The following AMPH variants were observed in gnomAD, a reference collection of about 807,000 sequenced individuals.
The protein encoded by AMPH is amphiphysin.
In AMPH, 49 loss-of-function variants were observed where a neutral mutation model predicts 99.1. The observed-to-expected ratio is 0.49, with a 90% CI of 0.39 to 0.63. AMPH has a LOEUF of 0.63. Among genes scored for constraint, AMPH ranks in the 20% least tolerant of loss-of-function variants. The pLI, the probability that AMPH is intolerant of heterozygous loss-of-function variation, is 0.00. For synonymous variants in AMPH, 314 were observed against 317.3 expected, an observed-to-expected ratio of 0.99 and a Z score of 0.11; for missense variants, 759 against 863.4, an observed-to-expected ratio of 0.88 and a Z score of 1.52.
chr7:38,533,272 T>C (rs1432064883), intron 2 of AMPH, among the ~76,000 whole-genome samples: 2 of 152,210 alleles, frequency 1.3e-5, no homozygotes, highest in African/African-American at 4.8e-5. Context: ...TCTACCTTTA[T>C]TAAGCCAAAG....
At chr7:38,579,002 A>G (rs1056995807) in intron 1 of AMPH, among the ~76,000 whole-genome samples, 6 of 152,142 alleles carry the variant, frequency 3.9e-5, no homozygotes, top group Non-Finnish European at 1.5e-5. Flanking sequence ...CTTGTAAGAG[A>G]ATGAGAGTGA....
intron 12 of AMPH, among the ~76,000 whole-genome samples, chr7:38,433,894 G>A (rs1208509682): frequency 6.6e-6 from 1 of 152,092 alleles, no homozygotes; most frequent in Non-Finnish European, 1.5e-5. Context: ...CACAGATACT[G>A]CAGAGATCAC....
chr7:38,613,941 C>T (rs1355615426), intron 1 of AMPH, among the ~76,000 whole-genome samples: 5 of 152,130 alleles, frequency 3.3e-5, no homozygotes, highest in African/African-American at 1.2e-4. Flanking sequence ...GCTCATATTC[C>T]TGCTGTACTC....
At chr7:38,394,309 G>T in intron 17 of AMPH, 95 bp from the exon 18 acceptor site, 3 of 1,300,290 alleles carry the variant, frequency 2.3e-6, no homozygotes, top group Non-Finnish European at 3.2e-6. Flanking sequence ...CTCTGTGGAG[G>T]CTATTCAGAT....
intron 1 of AMPH, among the ~76,000 whole-genome samples, chr7:38,589,330 T>G (rs2129057493): frequency 6.6e-6 from 1 of 152,338 alleles, no homozygotes; most frequent in East Asian, 1.9e-4. Context: ...ACACCATCAC[T>G]TACCCATCTC....
intron 1 of AMPH, among the ~76,000 whole-genome samples, chr7:38,536,331 T>C (rs1271775908): frequency 6.6e-6 from 1 of 152,212 alleles, no homozygotes; most frequent in Non-Finnish European, 1.5e-5. Flanking sequence ...CATCCCTTTT[T>C]TAACTAGACA....
chr7:38,625,860 T>C (rs1268753304), intron 1 of AMPH, among the ~76,000 whole-genome samples: 5 of 152,322 alleles, frequency 3.3e-5, no homozygotes, highest in East Asian at 3.9e-4. Flanking sequence ...GATATCCATA[T>C]ACATAGAAAC....
intron 1 of AMPH, among the ~76,000 whole-genome samples, chr7:38,591,200 T>C (rs1468644103): frequency 6.6e-6 from 1 of 152,114 alleles, no homozygotes; most frequent in African/African-American, 2.4e-5. Context: ...ATAAATAAAT[T>C]ATGCCAAACT....
intron 1 of AMPH, among the ~76,000 whole-genome samples, chr7:38,620,163 C>T (rs1794001416): frequency 6.6e-6 from 1 of 152,106 alleles, no homozygotes; most frequent in Non-Finnish European, 1.5e-5. Flanking sequence ...GCTGATTATT[C>T]CTAAGTCCAA....
intron 12 of AMPH, among the ~76,000 whole-genome samples, chr7:38,435,926 C>A (rs1338459557): frequency 1.3e-5 from 2 of 152,056 alleles, no homozygotes; most frequent in African/African-American, 4.8e-5. Flanking sequence ...AAGAGTAAAC[C>A]CAAAACCAAA....
In AMPH at chr7:38,422,616, ACACT is replaced by A. The variant is rs1785629124; in HGVS notation, c.1216-143_1216-140del. 7.3e-6 allele frequency: 5 copies of A among 686,242 alleles called. No homozygotes were observed. The East Asian group carries it at 1.4e-4, about 20-fold the overall frequency. 42.5% of individuals were successfully genotyped at this position (686,242 alleles called of 1,614,324 possible). A position where few individuals can be genotyped will look rare whatever the true frequency, so the allele number is the denominator to read the frequency against. ...TATCTATCTATCCATCTATCTATCG[ACACT>A]CTATCTATCTAATTTTTTTTTGAGA... On this transcript the variant is annotated intron_variant, in intron 15 of 20. Transcript: ENST00000356264.
At chr7:38,520,019 A>G (rs1395091486) in intron 2 of AMPH, among the ~76,000 whole-genome samples, 1 of 151,922 alleles carries the variant, frequency 6.6e-6, no homozygotes, top group Non-Finnish European at 1.5e-5. Flanking sequence ...AATAAAAATC[A>G]AAAAAATAAA....
Position 38,418,078 on chromosome 7 carries a change from T to C in AMPH, c.1273-128A>G, listed in dbSNP as rs1237221169. 8 of 1,097,464 alleles carry C rather than the reference T, an allele frequency of 7.3e-6. No individual in the cohort carries two copies. The South Asian group carries it at 1.4e-4, about 19-fold the overall frequency. 68.0% of individuals were successfully genotyped at this position (1,097,464 alleles called of 1,614,324 possible). ...GCAACTAGCTTCATGAAATCCGTGC[T>C]GGAGAAAAGCCCCCATTTGCCATCA... On this transcript the variant is annotated intron_variant, in intron 16 of 20. Transcript: ENST00000356264.
At chr7:38,466,827 G>A (rs1787675191) in intron 7 of AMPH, among the ~76,000 whole-genome samples, 1 of 152,112 alleles carries the variant, frequency 6.6e-6, no homozygotes, top group African/African-American at 2.4e-5. Flanking sequence ...AAAAATAAGA[G>A]CGTGTCATCA....
intron 17 of AMPH, among the ~76,000 whole-genome samples, chr7:38,402,245 T>C (rs1403623891): frequency 6.6e-6 from 1 of 152,206 alleles, no homozygotes; most frequent in Non-Finnish European, 1.5e-5. Context: ...CGAGGTCATC[T>C]TGAGTTTTAC....
intron 11 of AMPH, among the ~76,000 whole-genome samples, chr7:38,455,668 T>C (rs1455002063): frequency 6.6e-6 from 1 of 152,286 alleles, no homozygotes; most frequent in South Asian, 2.1e-4. Flanking sequence ...ACCCTAGCTA[T>C]GGGAGAACCC....
chr7:38,389,242 G>T (rs951432950), intron 20 of AMPH, among the ~76,000 whole-genome samples: 1 of 152,090 alleles, frequency 6.6e-6, no homozygotes, highest in Non-Finnish European at 1.5e-5. Context: ...AGAACAAGAT[G>T]GGAGTTCTCA....
At chr7:38,414,564 A>T (rs1165033119) in intron 17 of AMPH, among the ~76,000 whole-genome samples, 2 of 152,216 alleles carry the variant, frequency 1.3e-5, no homozygotes, top group Non-Finnish European at 2.9e-5. Context: ...ACCATAATTA[A>T]TTGTAACCAA....
rs1479627435 is a variant in AMPH, at chr7:38,558,208, T to C, written c.70-23197A>G. Among the ~76,000 whole-genome samples the C allele has an allele frequency of 3.3e-5, 5 of 152,176 alleles. No individual in the cohort carries two copies. The East Asian group carries it at 9.6e-4, about 29-fold the overall frequency. ...CTCTAAGCACAGTTTCTAGAGAAAGTCCATCTAATCAAGAGCACATAACAG... is the reference window on the plus strand; with the variant it reads ...CTCTAAGCACAGTTTCTAGAGAAAGCCCATCTAATCAAGAGCACATAACAG... On this transcript the variant is annotated intron_variant, in intron 1 of 20. Coordinates refer to ENST00000356264, the MANE Select transcript of AMPH (RefSeq NM_001635.4).
Sources: allele counts gnomAD v4.1 joint callset (sites outside exome capture counted in the v4.1 genomes callset), GRCh38; gene constraint gnomAD v4.1.1; transcripts MANE v1.5; gene names NCBI Gene and HGNC (gene_info 2026-07-23, HGNC 2026-07-21).